PRELID2: variants seen among roughly 807,000 people sequenced by gnomAD.
The protein encoded by PRELID2 is PRELI domain containing 2.
In PRELID2, 25 loss-of-function variants were observed where a neutral mutation model predicts 28.4. The observed-to-expected ratio is 0.88, with a 90% confidence interval of 0.64 to 1.23. PRELID2 has a LOEUF of 1.23. Ranked by LOEUF, PRELID2 falls within the 50% of genes most tolerant of loss-of-function variation. PRELID2 has a pLI of 0.00. For synonymous variants in PRELID2, 76 were observed against 71.6 expected, an observed-to-expected ratio of 1.06 and a Z score of -0.31; for missense variants, 201 against 214.4, an observed-to-expected ratio of 0.94 and a Z score of 0.39.
At chr5:145,468,224 T>C (rs1376139963), downstream of PRELID2, among the ~76,000 whole-genome samples, 2 of 152,170 alleles carry the variant, frequency 1.3e-5, no homozygotes, top group East Asian at 1.9e-4. Flanking sequence ...GCTTCATCCA[T>C]GTCCCTACAA....
chr5:145,624,887 T>C (rs939871859), intron 1 of PRELID2, among the ~76,000 whole-genome samples: 1 of 151,998 alleles, frequency 6.6e-6, no homozygotes, highest in Admixed American at 6.6e-5. Flanking sequence ...AAATCAATGA[T>C]AAAAAATTAA....
intron 1 of PRELID2, among the ~76,000 whole-genome samples, chr5:145,510,218 T>C (rs780986336): frequency 2.0e-5 from 3 of 152,198 alleles, no homozygotes; most frequent in Admixed American, 6.5e-5. Context: ...TGTTCACCTA[T>C]AGAACTCCAT....
At chr5:145,774,210 C>G (rs1271074440) in intron 5 of PRELID2, among the ~76,000 whole-genome samples, 1 of 152,210 alleles carries the variant, frequency 6.6e-6, no homozygotes, top group African/African-American at 2.4e-5. Flanking sequence ...CAGTTCTGCT[C>G]TCACCATTTC....
At chr5:145,735,220 G>C (rs553503323) in intron 1 of PRELID2, among the ~76,000 whole-genome samples, 2 of 150,042 alleles carry the variant, frequency 1.3e-5, no homozygotes, top group Non-Finnish European at 2.9e-5. Flanking sequence ...ACTCCAGCCC[G>C]GGCGACAGTG....
At chr5:145,645,626 T>C (rs978682641) in intron 1 of PRELID2, among the ~76,000 whole-genome samples, 2 of 152,110 alleles carry the variant, frequency 1.3e-5, no homozygotes, top group Non-Finnish European at 2.9e-5. Flanking sequence ...TTCTTCATAG[T>C]GTCGACATTC....
chr5:145,452,539 C>G, the PRELID2 span, among the ~76,000 whole-genome samples: 1 of 152,134 alleles, frequency 6.6e-6, no homozygotes, highest in African/African-American at 2.4e-5. Flanking sequence ...AGTTTTTATT[C>G]TCTAATATGC....
At chr5:145,694,618 GT>G (rs1300482204) in intron 1 of PRELID2, among the ~76,000 whole-genome samples, 1 of 152,070 alleles carries the variant, frequency 6.6e-6, no homozygotes, top group African/African-American at 2.4e-5. Flanking sequence ...GTTTTTGACT[GT>G]TGTTTTGTTT....
At chr5:145,375,914 T>C in the PRELID2 span, among the ~76,000 whole-genome samples, 1 of 152,202 alleles carries the variant, frequency 6.6e-6, no homozygotes, top group Non-Finnish European at 1.5e-5. Context: ...CAGTTGTGAG[T>C]GCCAGTGCTG....
intron 1 of PRELID2, among the ~76,000 whole-genome samples, chr5:145,654,324 G>C (rs1414716230): frequency 6.6e-6 from 1 of 152,176 alleles, no homozygotes; most frequent in African/African-American, 2.4e-5. Context: ...GATGTACAAG[G>C]AGTAGCTGGT....
chr5:145,700,702 C>T (rs1581072459), intron 1 of PRELID2, among the ~76,000 whole-genome samples: 1 of 152,170 alleles, frequency 6.6e-6, no homozygotes, highest in African/African-American at 2.4e-5. Flanking sequence ...TCTATGTATT[C>T]GTCTCGGCCC....
the PRELID2 span, among the ~76,000 whole-genome samples, chr5:145,353,095 T>A: frequency 6.6e-6 from 1 of 152,188 alleles, no homozygotes; most frequent in Non-Finnish European, 1.5e-5. Context: ...TTTTCAGGCA[T>A]CTTTATAGCA....
intron 5 of PRELID2, among the ~76,000 whole-genome samples, chr5:145,776,952 T>C (rs1159564519): frequency 1.3e-5 from 2 of 152,218 alleles, no homozygotes; most frequent in African/African-American, 4.8e-5. Flanking sequence ...AATTAAGGCT[T>C]GTATTTTTAA....
At chr5:145,554,454 T>G (rs1002508317) in intron 1 of PRELID2, among the ~76,000 whole-genome samples, 2 of 152,058 alleles carry the variant, frequency 1.3e-5, no homozygotes, top group Non-Finnish European at 2.9e-5. Context: ...CAGAGAGAAG[T>G]TTCAGAGATG....
chr5:145,763,228 G>C (rs1203101774), intron 6 of PRELID2, among the ~76,000 whole-genome samples: 4 of 152,202 alleles, frequency 2.6e-5, no homozygotes, highest in Non-Finnish European at 5.9e-5. Context: ...CTGTGCCTAA[G>C]CATGCAAGTA....
At chr5:145,300,717 T>TTG in the PRELID2 span, among the ~76,000 whole-genome samples, 1 of 149,652 alleles carries the variant, frequency 6.7e-6, no homozygotes, top group Non-Finnish European at 1.5e-5. Flanking sequence ...TTTTTTTTTT[T>TTG]GCAGTTCAGC....
the PRELID2 span, among the ~76,000 whole-genome samples, chr5:145,387,652 C>G: frequency 4.6e-5 from 7 of 152,122 alleles, no homozygotes. Flanking sequence ...ACAAACTAGG[C>G]TGAGCATGGT....
At chr5:145,440,678 AG>A in the PRELID2 span, 2 of 152,104 alleles carry the variant, frequency 1.3e-5, no homozygotes, top group Admixed American at 1.3e-4. Context: ...AACAATTGCC[AG>A]GGAGTCACAA....
chr5:145,801,303 C>A (rs959056043), intron 4 of PRELID2, among the ~76,000 whole-genome samples: 1 of 152,128 alleles, frequency 6.6e-6, no homozygotes, highest in Non-Finnish European at 1.5e-5. Flanking sequence ...CTTGTTAAAT[C>A]ACCTCTTGGC....
intron 1 of PRELID2, among the ~76,000 whole-genome samples, chr5:145,718,337 T>G (rs537896723): frequency 4.6e-4 from 70 of 151,964 alleles, no homozygotes; most frequent in African/African-American, 1.6e-3. Flanking sequence ...CTATGAAATA[T>G]CTAGGAATTA....
Sources: allele counts gnomAD v4.1 joint callset (sites outside exome capture counted in the v4.1 genomes callset), GRCh38; gene constraint gnomAD v4.1.1; transcripts MANE v1.5; gene names NCBI Gene and HGNC (gene_info 2026-07-23, HGNC 2026-07-21).